Variants in NTSR1 observed in about 807,000 individuals in gnomAD.
The protein encoded by NTSR1 is neurotensin receptor 1.
Under a neutral mutation model 31.2 loss-of-function variants are expected in NTSR1, and 29 were observed. That is an observed-to-expected ratio of 0.93 (90% CI 0.69 to 1.27). The LOEUF is 1.27. Among genes scored for constraint, NTSR1 ranks in the 50% most tolerant of loss-of-function variants. The pLI is 0.00. For missense variants in NTSR1, 697 were observed against 595.4 expected, an observed-to-expected ratio of 1.17 and a Z score of -1.78; for synonymous variants, 282 against 269.9, an observed-to-expected ratio of 1.04 and a Z score of -0.44.
chr20:62,736,790 C>A (rs1015362798), intron 1 of NTSR1, among the ~76,000 whole-genome samples: 1 of 152,270 alleles, frequency 6.6e-6, no homozygotes, highest in African/African-American at 2.4e-5. Flanking sequence ...CACCCAAAAT[C>A]TCATGGGAAT....
At position 62,709,864 on chromosome 20, in the gene NTSR1, C is replaced by A. The variant is rs1568693619; in HGVS notation, c.657C>A (p.Ala219=). The A allele has an allele frequency of 6.2e-7, 1 of 1,607,564 alleles. No individual in the cohort carries two copies. The highest frequency in any genetic ancestry group is 8.5e-7 in the Non-Finnish European group (1 of 1,176,006). ...EQNRSADGQH[A]GGLVCTPTIH... ...ACCGCAGCGCCGACGGCCAGCACGC[C>A]GGCGGCCTGGTGTGCACCCCCACCA... Residue 219 remains alanine (A), a synonymous_variant, in exon 1 of 4, where the codon GCC becomes GCA. Transcript: ENST00000370501.
Position 62,739,685 on chromosome 20 carries a change from G to A in NTSR1, c.715-15000G>A, listed in dbSNP as rs549000383. On this transcript the variant is annotated intron_variant, in intron 1 of 3. Transcript: ENST00000370501. ...TGACACCGCTGAGATGCTGTGTAGA[G>A]CCAGATGTCTGTGGGACACGGCGGC... is the stretch of plus-strand genomic sequence containing the variant. 3.9e-5 allele frequency among the ~76,000 whole-genome samples: 6 copies of A among 152,106 alleles called. No homozygotes were observed. In the South Asian group the frequency reaches 1.2e-3, roughly 32 times the overall value.
At chr20:62,727,036 G>A (rs1988918840) in intron 1 of NTSR1, among the ~76,000 whole-genome samples, 1 of 152,206 alleles carries the variant, frequency 6.6e-6, no homozygotes, top group Admixed American at 6.5e-5. Context: ...GTGCACAGCT[G>A]GAGGAGAAGG....
At position 62,743,850 on chromosome 20, in the gene NTSR1, G is replaced by C. The variant is rs964039700; in HGVS notation, c.715-10835G>C. On this transcript the variant is annotated intron_variant, in intron 1 of 3. Transcript: ENST00000370501. The surrounding 1 kb of genome is among the most constrained non-coding windows in gnomAD (Gnocchi z 7.5). ...TGAGGTCGAGGGGCTGAGGCCGGCT[G>C]TCTGGAGCCTGTGTCGGGGGCACCC... Among the ~76,000 whole-genome samples the C allele has an allele frequency of 4.6e-5, 7 of 152,164 alleles. No homozygotes were observed. Among genetic ancestry groups the C allele is most frequent in the Non-Finnish European group, 7.4e-5 (5 of 68,026 alleles).
intron 1 of NTSR1, 40 bp from the exon 2 acceptor site, chr20:62,754,645 C>T (rs759007284): frequency 1.3e-5 from 21 of 1,555,974 alleles, no homozygotes; most frequent in East Asian, 2.2e-5. Flanking sequence ...GCATGAGTCC[C>T]GCTGCTGGCT....
At chr20:62,750,316 C>T (rs1051004414) in intron 1 of NTSR1, among the ~76,000 whole-genome samples, 1 of 152,076 alleles carries the variant, frequency 6.6e-6, no homozygotes, top group Non-Finnish European at 1.5e-5. Context: ...GGGGAGAGGA[C>T]GATCAAGGGC....
At chr20:62,750,690 C>CAAAA (rs59850535) in intron 1 of NTSR1, among the ~76,000 whole-genome samples, 15 of 55,126 alleles carry the variant, frequency 2.7e-4, no homozygotes, top group Admixed American at 5.9e-4. Context: ...GACTCCGTCT[C>CAAAA]AAAAAAAAAA....
In NTSR1 at chr20:62,760,023, T is replaced by A. The variant is rs1264098662; in HGVS notation, c.1013T>A (p.Leu338His). Residue 338 changes from leucine to histidine, a missense_variant, in exon 4 of 4, where the codon CTC becomes CAC. Leu to His is a moderately conservative substitution (Grantham distance 99, BLOSUM62 -3). Transcript: ENST00000370501. ...YISDEQWTPF[L>H]YDFYHYFYMV... ...GCGCCTCTCTCTCCCCGCAGGTTCC[T>A]CTATGACTTCTACCACTACTTCTAC... 1 of 1,614,010 alleles carries A rather than the reference T, an allele frequency of 6.2e-7. No homozygotes were observed. The highest frequency in any genetic ancestry group is 1.1e-5 in the South Asian group (1 of 91,088).
Position 62,714,248 on chromosome 20 carries a change from G to A in NTSR1, c.714+4327G>A, listed in dbSNP as rs905937021. Among the ~76,000 whole-genome samples the A allele has an allele frequency of 4.6e-5, 7 of 152,230 alleles. No individual in the cohort carries two copies. Among genetic ancestry groups the A allele is most frequent in the South Asian group, 2.1e-4 (1 of 4,836 alleles). Reference sequence around the variant, plus strand: ...CGGCCACAGTGTCCTCACCTGCAGCGCAGGGCATAGAGGGCTGTTGGTGTG... The same window carrying A: ...CGGCCACAGTGTCCTCACCTGCAGCACAGGGCATAGAGGGCTGTTGGTGTG... On this transcript the variant is annotated intron_variant, in intron 1 of 3. Coordinates refer to ENST00000370501, the MANE Select transcript of NTSR1 (RefSeq NM_002531.3). The surrounding 1 kb of genome is among the most constrained non-coding windows in gnomAD (Gnocchi z 4.1).
At chr20:62,710,772 G>A (rs940028126) in intron 1 of NTSR1, among the ~76,000 whole-genome samples, 7 of 152,196 alleles carry the variant, frequency 4.6e-5, no homozygotes, top group Non-Finnish European at 7.4e-5. Flanking sequence ...CCAAAGCCCC[G>A]AGCAGGAGGC....
At chr20:62,725,442 G>A (rs978015811) in intron 1 of NTSR1, among the ~76,000 whole-genome samples, 7 of 152,212 alleles carry the variant, frequency 4.6e-5, no homozygotes, top group Admixed American at 1.3e-4. Flanking sequence ...ACCCTCTGCC[G>A]CTGCACTGTC....
chr20:62,759,635 G>A (rs577597043), intron 3 of NTSR1, among the ~76,000 whole-genome samples: 13 of 152,232 alleles, frequency 8.5e-5, no homozygotes, highest in East Asian at 1.9e-4. Flanking sequence ...TTAGCCGGGC[G>A]TGGTGGGGGG....
chr20:62,721,219 T>C (rs1281384304), intron 1 of NTSR1, among the ~76,000 whole-genome samples: 1 of 152,220 alleles, frequency 6.6e-6, no homozygotes, highest in Non-Finnish European at 1.5e-5. Context: ...TTAAGAACTT[T>C]CATTTTTCCA....
At chr20:62,728,657 T>C (rs577624679) in intron 1 of NTSR1, among the ~76,000 whole-genome samples, 2 of 152,256 alleles carry the variant, frequency 1.3e-5, no homozygotes, top group Non-Finnish European at 2.9e-5. Context: ...TTTCTTTGTG[T>C]GTGCCAGCAT....
chr20:62,745,145 C>A lies in NTSR1; in HGVS notation c.715-9540C>A, dbSNP rs151204119. Among the ~76,000 whole-genome samples the A allele has an allele frequency of 1.6e-3, 246 of 152,318 alleles. 3 individuals are homozygous for A. Among genetic ancestry groups the A allele is most frequent in the African/African-American group, 5.5e-3 (227 of 41,560 alleles). On this transcript the variant is annotated intron_variant, in intron 1 of 3. Coordinates refer to ENST00000370501, the MANE Select transcript of NTSR1 (RefSeq NM_002531.3). This position sits in a 1 kb window ranked among gnomAD's most constrained non-coding sequence, Gnocchi z 4.1. Reference sequence around the variant, plus strand: ...CCGGCTCCAGGGAGGGTGGCCCAGCCAGTTCCTGCCACCTGAGGATGTTGG... The same window carrying A: ...CCGGCTCCAGGGAGGGTGGCCCAGCAAGTTCCTGCCACCTGAGGATGTTGG...
chr20:62,712,815 A>C (rs944730677), intron 1 of NTSR1, among the ~76,000 whole-genome samples: 9 of 152,188 alleles, frequency 5.9e-5, no homozygotes, highest in Non-Finnish European at 1.0e-4. Context: ...CCCAACCTCC[A>C]GCTCAGCTTT....
In NTSR1 at chr20:62,709,463, T is replaced by G. The variant is rs1298574432; in HGVS notation, c.256T>G (p.Phe86Val). The stretch of plus-strand genomic sequence containing the variant: ...CACGGTGGGCAACACGGTGACGGCG[T>G]TCACGCTGGCGCGGAAGAAGTCGCT... ...VGTVGNTVTA[F>V]TLARKKSLQS... The change falls in exon 1 of 4, where the codon TTC becomes GTC. Residue 86 changes from phenylalanine (F) to valine (V), a missense_variant. Transcript: ENST00000370501. The G allele has an allele frequency of 3.7e-6, 6 of 1,612,422 alleles. No homozygotes were observed. Among genetic ancestry groups the G allele is most frequent in the Non-Finnish European group, 5.1e-6 (6 of 1,179,804 alleles).
At chr20:62,727,785 G>A (rs537067428) in intron 1 of NTSR1, among the ~76,000 whole-genome samples, 273 of 152,384 alleles carry the variant, frequency 1.8e-3, no homozygotes, top group African/African-American at 6.1e-3. Context: ...GCACAGCAGC[G>A]GCCACCAGGG....
rs1718431117 is a variant in NTSR1 at position 62,732,622 on chromosome 20, G to C, written c.715-22063G>C. 1 of 152,144 alleles carries C rather than the reference G, an allele frequency of 6.6e-6. No homozygotes were observed. The highest frequency in any genetic ancestry group is 1.5e-5 in the Non-Finnish European group (1 of 68,034). The allele number at this position is 152,144 out of a possible 1,614,324, so 9.4% of individuals were successfully genotyped here. ...GTGATGCTGGATTTGCTGCTGTTTT[G>C]TTGAGGGTTTTTGCATCTGTGTTCA... On this transcript the variant is annotated intron_variant, in intron 1 of 3. Transcript: ENST00000370501. This position sits in a 1 kb window ranked among gnomAD's most constrained non-coding sequence, Gnocchi z 4.0.
Sources: allele counts gnomAD v4.1 joint callset (sites outside exome capture counted in the v4.1 genomes callset), GRCh38; gene constraint gnomAD v4.1.1; non-coding constraint Gnocchi (gnomAD v3.1); transcripts MANE v1.5; gene names NCBI Gene and HGNC (gene_info 2026-07-23, HGNC 2026-07-21).